Variants in ATG7 observed in about 807,000 individuals in gnomAD.
ATG7 encodes the protein autophagy related 7.
Under a neutral mutation model 82.4 loss-of-function variants are expected in ATG7, and 70 were observed. The observed-to-expected ratio is 0.85, with a 90% CI of 0.70 to 1.04. The LOEUF (loss-of-function observed/expected upper bound fraction) is 1.04, where lower values mean the gene tolerates loss of function less well. Ranked by LOEUF, ATG7 falls within the 50% of genes least tolerant of loss-of-function variation. The pLI is 0.00. For synonymous variants in ATG7, 287 were observed against 313.0 expected (o/e 0.92, Z 0.88); for missense variants, 792 against 864.3 (o/e 0.92, Z 1.05).
chr3:11,414,409 G>T (rs1012924180), intron 19 of ATG7, among the ~76,000 whole-genome samples: 4 of 152,160 alleles, frequency 2.6e-5, no homozygotes, highest in African/African-American at 9.7e-5. Context: ...TATGTATCCT[G>T]CAGTGTTGCT....
chr3:11,390,536 C>G (rs1210600440), intron 19 of ATG7, among the ~76,000 whole-genome samples: 1 of 152,218 alleles, frequency 6.6e-6, no homozygotes, highest in East Asian at 1.9e-4. Context: ...ACAGTGCTCC[C>G]TGGAGGAGAC....
chr3:11,341,869 C>T (rs1477334921), intron 12 of ATG7, among the ~76,000 whole-genome samples: 8 of 152,120 alleles, frequency 5.3e-5, no homozygotes, highest in Admixed American at 4.6e-4. Context: ...ACCATGATTC[C>T]TATCACTGGT....
chr3:11,509,776 T>G (rs1327409426), intron 20 of ATG7, among the ~76,000 whole-genome samples: 2 of 152,192 alleles, frequency 1.3e-5, no homozygotes, highest in African/African-American at 4.8e-5. Flanking sequence ...GAGCCACTTG[T>G]AAATGTACCG....
At chr3:11,417,103 A>G (rs929592318) in intron 19 of ATG7, among the ~76,000 whole-genome samples, 2 of 152,148 alleles carry the variant, frequency 1.3e-5, no homozygotes, top group Non-Finnish European at 2.9e-5. Context: ...AGAATGTTCT[A>G]CCTTGGTGAA....
intron 6 of ATG7, chr3:11,308,758 C>T (rs1024163506): frequency 1.7e-5 from 10 of 574,692 alleles, no homozygotes; most frequent in South Asian, 4.2e-5. Flanking sequence ...TGAGAGGAGG[C>T]GCCTGGGTTC....
chr3:11,468,449 C>G (rs958733771), intron 20 of ATG7, among the ~76,000 whole-genome samples: 5 of 152,070 alleles, frequency 3.3e-5, no homozygotes, highest in Non-Finnish European at 5.9e-5. Context: ...ATTTACTTAC[C>G]ACCTTGGAAG....
chr3:11,490,185 C>T (rs990232876), intron 20 of ATG7, among the ~76,000 whole-genome samples: 3 of 152,098 alleles, frequency 2.0e-5, no homozygotes, highest in Non-Finnish European at 4.4e-5. Flanking sequence ...TATATATTTA[C>T]GATAGTTAGC....
intron 1 of ATG7, among the ~76,000 whole-genome samples, chr3:11,274,140 TACTGG>T (rs926725535): frequency 2.6e-5 from 4 of 152,138 alleles, no homozygotes; most frequent in African/African-American, 9.7e-5. Context: ...AAGAGCTGAG[TACTGG>T]ACTTTCCATT....
intron 20 of ATG7, among the ~76,000 whole-genome samples, chr3:11,513,391 G>C (rs1195057748): frequency 1.3e-5 from 2 of 152,226 alleles, no homozygotes; most frequent in Non-Finnish European, 2.9e-5. Context: ...CTGCCCCGCG[G>C]GGAGGCAGCT....
chr3:11,573,716 A>G, the ATG7 span, among the ~76,000 whole-genome samples: 1 of 152,222 alleles, frequency 6.6e-6, no homozygotes, highest in African/African-American at 2.4e-5. Context: ...ATCTTTTCAT[A>G]CACTTACTGA....
At chr3:11,370,235 G>A (rs759060376) in intron 18 of ATG7, among the ~76,000 whole-genome samples, 1 of 151,244 alleles carries the variant, frequency 6.6e-6, no homozygotes, top group Non-Finnish European at 1.5e-5. Flanking sequence ...AAAGCAATGA[G>A]TAGAGAGGGA....
At chr3:11,470,599 C>A (rs1027937911) in intron 20 of ATG7, among the ~76,000 whole-genome samples, 1 of 152,136 alleles carries the variant, frequency 6.6e-6, no homozygotes, top group Non-Finnish European at 1.5e-5. Flanking sequence ...TTCATCCTGT[C>A]CTTTTCCTGA....
chr3:11,472,583 G>GCTGA (rs1398182098), intron 20 of ATG7, among the ~76,000 whole-genome samples: 1 of 152,138 alleles, frequency 6.6e-6, no homozygotes, highest in African/African-American at 2.4e-5. Flanking sequence ...TTATCAAAGG[G>GCTGA]CTGAGCAAGC....
intron 20 of ATG7, chr3:11,446,447 G>T (rs2084561559): frequency 4.9e-6 from 2 of 408,608 alleles, no homozygotes; most frequent in Non-Finnish European, 9.6e-6. Context: ...CCTTAATTTA[G>T]TCCGTAGGGG....
chr3:11,480,757 A>G (rs1258370577), intron 20 of ATG7, among the ~76,000 whole-genome samples: 1 of 152,212 alleles, frequency 6.6e-6, no homozygotes, highest in African/African-American at 2.4e-5. Flanking sequence ...TTCACTGCCA[A>G]GTCACACAAA....
At chr3:11,421,660 G>A (rs948644736) in intron 19 of ATG7, among the ~76,000 whole-genome samples, 5 of 152,132 alleles carry the variant, frequency 3.3e-5, no homozygotes, top group African/African-American at 1.2e-4. Context: ...CTCCTTCCAT[G>A]AATCACGAAT....
At chr3:11,450,859 A>G (rs980685426) in intron 20 of ATG7, among the ~76,000 whole-genome samples, 1 of 152,158 alleles carries the variant, frequency 6.6e-6, no homozygotes, top group African/African-American at 2.4e-5. Context: ...CCCAACCTCA[A>G]CTGCTTTTCT....
At chr3:11,423,090 G>A (rs1400653425) in intron 19 of ATG7, among the ~76,000 whole-genome samples, 1 of 152,146 alleles carries the variant, frequency 6.6e-6, no homozygotes, top group African/African-American at 2.4e-5. Flanking sequence ...AGTGAGAAAT[G>A]TGTGACTCTT....
intron 20 of ATG7, chr3:11,446,589 C>T: frequency 2.5e-6 from 1 of 393,568 alleles, no homozygotes; most frequent in South Asian, 1.9e-5. Flanking sequence ...CATAAATGAG[C>T]CTTTAAAAGA....
Sources: gnomAD v4.1 joint callset for allele counts (sites outside exome capture counted in the v4.1 genomes callset) on GRCh38, gnomAD v4.1.1 for gene constraint, MANE v1.5 for transcripts, NCBI Gene and HGNC (gene_info 2026-07-23, HGNC 2026-07-21) for gene names.